Variants in AGBL1 observed in about 807,000 individuals in gnomAD.
AGBL1 encodes cytosolic carboxypeptidase 4.
A neutral mutation model predicts 118.9 loss-of-function variants in AGBL1; 130 were observed. That is an observed-to-expected ratio of 1.09 (90% CI 0.95 to 1.26). The LOEUF (loss-of-function observed/expected upper bound fraction) is 1.26, where lower values mean the gene tolerates loss of function less well. Among genes scored for constraint, AGBL1 ranks in the 50% most tolerant of loss-of-function variants. AGBL1 has a pLI of 0.00. For missense variants in AGBL1, 1,584 were observed against 1,298.1 expected (o/e 1.22, Z -3.38); for synonymous variants, 555 against 478.9 (o/e 1.16, Z -2.08).
In AGBL1 at chr15:86,467,876, A is replaced by C. The variant is rs774673967; in HGVS notation, c.2556-54934A>C. 2.0e-5 allele frequency among the ~76,000 whole-genome samples: 3 copies of C among 152,096 alleles called. No individual in the cohort carries two copies. The South Asian group carries it at 6.2e-4, about 32-fold the overall frequency. ...TCAGTTGGAAATGAAGAAATCACTC[A>C]TCTCTGTGTTGGTCTGGCTGGGAGC... On this transcript the variant is annotated intron_variant, in intron 18 of 22. Transcript: ENST00000614907.
intron 18 of AGBL1, among the ~76,000 whole-genome samples, chr15:86,484,730 G>A (rs1006193005): frequency 6.6e-6 from 1 of 152,088 alleles, no homozygotes; most frequent in Admixed American, 6.6e-5. Flanking sequence ...AAATTCCAAA[G>A]CATCTCTTTC....
intron 23 of AGBL1, among the ~76,000 whole-genome samples, chr15:86,952,614 T>G (rs2080891078): frequency 1.3e-5 from 2 of 152,158 alleles, no homozygotes; most frequent in Non-Finnish European, 2.9e-5. Context: ...TTTTGAAATA[T>G]TTTCTCCCAT....
At position 86,270,352 on chromosome 15, in the gene AGBL1, T is replaced by C. The variant is rs547794177; in HGVS notation, c.1987+285T>C. On this transcript the variant is annotated intron_variant, in intron 14 of 22. Transcript: ENST00000614907. ...TTGGTGAGCGTTCTCATTTATTCCT[T>C]CTCTCCATCTCCTAAGTCCCATAGG... 1.9e-4 allele frequency among the ~76,000 whole-genome samples: 29 copies of C among 152,272 alleles called. No individual in the cohort carries two copies. In the South Asian group the frequency reaches 6.0e-3, roughly 32 times the overall value.
chr15:86,895,130 ACTTT>A (rs1456314259), intron 22 of AGBL1, among the ~76,000 whole-genome samples: 1 of 119,102 alleles, frequency 8.4e-6, no homozygotes, highest in Non-Finnish European at 1.8e-5. Context: ...TCTTCCTTCT[ACTTT>A]CTTCTCTTTC....
intron 17 of AGBL1, among the ~76,000 whole-genome samples, chr15:86,377,814 T>C (rs994167465): frequency 5.3e-5 from 8 of 152,182 alleles, no homozygotes; most frequent in Non-Finnish European, 8.8e-5. Flanking sequence ...GGAGGTCATC[T>C]TTGATTTCTC....
intron 22 of AGBL1, among the ~76,000 whole-genome samples, chr15:86,777,834 T>C (rs1315981211): frequency 6.6e-6 from 1 of 152,170 alleles, no homozygotes; most frequent in African/African-American, 2.4e-5. Flanking sequence ...CAAATCATAA[T>C]AGTAAGTCTT....
chr15:86,810,525 G>A (rs2078773696), intron 22 of AGBL1, among the ~76,000 whole-genome samples: 3 of 152,066 alleles, frequency 2.0e-5, no homozygotes, highest in Admixed American at 6.6e-5. Flanking sequence ...AAGTATGACA[G>A]GATAATACAC....
intron 22 of AGBL1, among the ~76,000 whole-genome samples, chr15:86,817,686 A>G (rs2078884763): frequency 6.6e-6 from 1 of 151,466 alleles, no homozygotes; most frequent in Admixed American, 6.6e-5. Flanking sequence ...CAGGAGAGAG[A>G]GTGCTGGGAG....
At chr15:86,719,220 T>C (rs542335254) in intron 22 of AGBL1, among the ~76,000 whole-genome samples, 1 of 152,324 alleles carries the variant, frequency 6.6e-6, no homozygotes, top group Non-Finnish European at 1.5e-5. Context: ...TGGCTTTTTC[T>C]TCCCCCAGTT....
At chr15:86,236,637 A>T (rs1424113312) in intron 6 of AGBL1, among the ~76,000 whole-genome samples, 1 of 152,048 alleles carries the variant, frequency 6.6e-6, no homozygotes, top group Non-Finnish European at 1.5e-5. Context: ...CGACATGAAC[A>T]CACATGGAGT....
intron 2 of AGBL1, among the ~76,000 whole-genome samples, chr15:86,143,460 A>G (rs2076991172): frequency 6.6e-6 from 1 of 152,232 alleles, no homozygotes; most frequent in South Asian, 2.1e-4. Context: ...TCTATTTATT[A>G]CAGCTGTTGC....
chr15:86,457,752 A>G (rs2082278831), intron 18 of AGBL1, among the ~76,000 whole-genome samples: 1 of 152,248 alleles, frequency 6.6e-6, no homozygotes, highest in Non-Finnish European at 1.5e-5. Flanking sequence ...AAGGGATTAT[A>G]TGAATTATCC....
At chr15:86,524,776 A>G (rs1455679661) in intron 19 of AGBL1, among the ~76,000 whole-genome samples, 1 of 152,158 alleles carries the variant, frequency 6.6e-6, no homozygotes, top group African/African-American at 2.4e-5. Context: ...CATTCAAGGG[A>G]CAGATCTTAT....
intron 23 of AGBL1, among the ~76,000 whole-genome samples, chr15:86,957,338 C>A (rs1023604436): frequency 5.3e-5 from 8 of 151,910 alleles, no homozygotes; most frequent in African/African-American, 1.9e-4. Context: ...AGGGGCCTAG[C>A]CACTAATGCA....
intron 16 of AGBL1, among the ~76,000 whole-genome samples, chr15:86,295,001 T>C (rs2079610200): frequency 6.6e-6 from 1 of 152,184 alleles, no homozygotes; most frequent in Non-Finnish European, 1.5e-5. Flanking sequence ...TCCTCCCTCT[T>C]GCTTTCAGTG....
At chr15:86,210,519 ACT>A (rs1339183131) in intron 5 of AGBL1, among the ~76,000 whole-genome samples, 1 of 151,570 alleles carries the variant, frequency 6.6e-6, no homozygotes, top group African/African-American at 2.4e-5. Flanking sequence ...GTCGCTTTTT[ACT>A]CTTTTTTCTC....
intron 1 of AGBL1, among the ~76,000 whole-genome samples, chr15:86,082,685 G>C (rs968107461): frequency 6.6e-6 from 1 of 152,204 alleles, no homozygotes; most frequent in African/African-American, 2.4e-5. Context: ...ACATGAGGAA[G>C]GGGTAAGTGG....
chr15:86,999,513 G>T (rs1359659379), intron 24 of AGBL1, among the ~76,000 whole-genome samples: 2 of 147,200 alleles, frequency 1.4e-5, no homozygotes, highest in Admixed American at 6.7e-5. Flanking sequence ...TACTGAGAAT[G>T]ATGATTTCCA....
intron 6 of AGBL1, among the ~76,000 whole-genome samples, chr15:86,227,007 AT>A (rs1274597566): frequency 3.9e-5 from 6 of 152,198 alleles, no homozygotes; most frequent in East Asian, 1.9e-4. Context: ...TGTTGACTAA[AT>A]TTTTTTTGTT....
Sources: allele counts gnomAD v4.1 joint callset (sites outside exome capture counted in the v4.1 genomes callset), GRCh38; gene constraint gnomAD v4.1.1; transcripts MANE v1.5; gene names NCBI Gene and HGNC (gene_info 2026-07-23, HGNC 2026-07-21).